The following CA12 variants were observed in gnomAD, a reference collection of about 807,000 sequenced individuals.
CA12 encodes the protein carbonic anhydrase 12, also known as carbonate dehydratase XII.
Under a neutral mutation model 46.8 loss-of-function variants are expected in CA12, and 36 were observed. That is an observed-to-expected ratio of 0.77 (90% confidence interval 0.59 to 1.02). CA12 has a LOEUF of 1.02. Ranked by LOEUF, CA12 falls within the 50% of genes least tolerant of loss-of-function variation. CA12 has a pLI of 0.00. For synonymous variants in CA12, 202 were observed against 187.0 expected (o/e 1.08, Z -0.65); for missense variants, 436 against 451.4 (o/e 0.97, Z 0.31).
Position 63,346,490 on chromosome 15 carries a change from C to A in CA12, c.286+40G>T, listed in dbSNP as rs2039149725. On this transcript the variant is annotated intron_variant, in intron 3 of 10. Transcript: ENST00000178638. The stretch of plus-strand genomic sequence containing the variant: ...GGACAGGCCTGGCAGCTGAGGGAGA[C>A]TCAGACATACCCCTCAGGTCTCCAA... The A allele has an allele frequency of 1.9e-6, 3 of 1,572,052 alleles. No homozygotes were observed. In the Admixed American group the frequency reaches 5.1e-5, roughly 27 times the overall value.
chr15:63,354,840 C>T (rs1208985849), intron 2 of CA12, among the ~76,000 whole-genome samples: 1 of 152,126 alleles, frequency 6.6e-6, no homozygotes, highest in Admixed American at 6.5e-5. Context: ...AGCCCTCCAC[C>T]CACCCTCAGG....
chr15:63,352,559 C>T (rs193014084), intron 2 of CA12, among the ~76,000 whole-genome samples: 2 of 152,154 alleles, frequency 1.3e-5, no homozygotes, highest in Admixed American at 6.5e-5. Flanking sequence ...CTGAGGTGGA[C>T]CCCCCTGTGT....
intron 4 of CA12, 83 bp from the exon 5 acceptor site, chr15:63,342,180 G>C: frequency 1.1e-6 from 1 of 872,746 alleles, no homozygotes; most frequent in Non-Finnish European, 1.9e-6. Context: ...GACTCCAACT[G>C]TGAGGACAGA....
At chr15:63,359,464 T>C (rs893538346) in intron 2 of CA12, among the ~76,000 whole-genome samples, 10 of 152,068 alleles carry the variant, frequency 6.6e-5, no homozygotes, top group African/African-American at 1.7e-4. Context: ...TTGCTTTCTC[T>C]CACACCCTCT....
Position 63,326,270 on chromosome 15 carries a change from G to C in CA12, c.*15C>G. 1 of 1,611,034 alleles carries C rather than the reference G, an allele frequency of 6.2e-7. No individual in the cohort carries two copies. The highest frequency in any genetic ancestry group is 8.5e-7 in the Non-Finnish European group (1 of 1,177,234). ...GCAAGGTCCTTCCTGGATGTGCCCG[G>C]GAGCTCCGGGGACCTCAAGCGTGGG... On this transcript the variant is annotated 3_prime_UTR_variant, in exon 11 of 11. Coordinates refer to ENST00000178638, the MANE Select transcript of CA12 (RefSeq NM_001218.5).
intron 1 of CA12, among the ~76,000 whole-genome samples, chr15:63,376,467 G>C (rs1324065861): frequency 6.6e-6 from 1 of 151,682 alleles, no homozygotes; most frequent in Non-Finnish European, 1.5e-5. Flanking sequence ...CACAAACATT[G>C]GCATACTGGA....
At chr15:63,354,453 C>T (rs1230699406) in intron 2 of CA12, among the ~76,000 whole-genome samples, 1 of 152,174 alleles carries the variant, frequency 6.6e-6, no homozygotes, top group African/African-American at 2.4e-5. Context: ...AGGGTTGAGA[C>T]TTGGGCTTGG....
intron 8 of CA12, among the ~76,000 whole-genome samples, chr15:63,336,704 G>T (rs1038176676): frequency 1.7e-5 from 2 of 120,980 alleles, no homozygotes; most frequent in Admixed American, 8.5e-5. Flanking sequence ...GGCATTTTGT[G>T]GCTGAGGAAA....
chr15:63,375,138 C>T (rs765837096), intron 2 of CA12, among the ~76,000 whole-genome samples: 2 of 152,238 alleles, frequency 1.3e-5, no homozygotes, highest in Admixed American at 6.5e-5. Context: ...TTAAGACAAG[C>T]ATCCCTCTTT....
intron 2 of CA12, among the ~76,000 whole-genome samples, chr15:63,347,866 G>A (rs1567046863): frequency 1.3e-5 from 2 of 152,132 alleles, no homozygotes; most frequent in African/African-American, 2.4e-5. Flanking sequence ...TCAACACAAG[G>A]AAGGTGGGTA....
Position 63,338,941 on chromosome 15 carries a change from A to AGC in CA12, c.750_751dup (p.Leu251ArgfsTer21). 1 of 1,614,174 alleles carries AGC rather than the reference A, an allele frequency of 6.2e-7. No individual in the cohort carries two copies. Among genetic ancestry groups the AGC allele is most frequent in the Non-Finnish European group, 8.5e-7 (1 of 1,180,042 alleles). On this transcript the variant is annotated frameshift_variant, in exon 8 of 11. Transcript: ENST00000178638. LOFTEE classifies it high-confidence loss of function. ...GCAGTACAGGGCTGTCTCCAAAGCC[A>AGC]GCAGCTGAGGGCAAGAGCAGAAATA...
In CA12 at chr15:63,324,556, A is replaced by T. The variant is rs1000406887; in HGVS notation, c.*1729T>A. 5.9e-5 allele frequency: 9 copies of T among 152,356 alleles called. No individual in the cohort carries two copies. Among genetic ancestry groups the T allele is most frequent in the African/African-American group, 2.2e-4 (9 of 41,464 alleles). 9.4% of individuals were successfully genotyped at this position (152,356 alleles called of 1,614,324 possible). On this transcript the variant is annotated 3_prime_UTR_variant, in exon 11 of 11. Transcript: ENST00000178638. ...TGTTAGAGGTCTTGAGTGCACACACACACACAAACACACAGAGAGACACAC... is the reference window on the plus strand; with the variant it reads ...TGTTAGAGGTCTTGAGTGCACACACTCACACAAACACACAGAGAGACACAC...
At chr15:63,370,355 G>A (rs1045350761) in intron 2 of CA12, among the ~76,000 whole-genome samples, 1 of 151,698 alleles carries the variant, frequency 6.6e-6, no homozygotes, top group Non-Finnish European at 1.5e-5. Flanking sequence ...GGCTGAGACA[G>A]GAGAATCCCT....
chr15:63,352,011 G>A (rs2039238747), intron 2 of CA12, among the ~76,000 whole-genome samples: 1 of 152,074 alleles, frequency 6.6e-6, no homozygotes, highest in South Asian at 2.1e-4. Context: ...GTGTATGCGT[G>A]GTGGTTATGG....
At position 63,374,881 on chromosome 15, in the gene CA12, G is replaced by T. The variant is rs959112077; in HGVS notation, c.106+777C>A. On this transcript the variant is annotated intron_variant, in intron 2 of 10. Transcript: ENST00000178638. This position sits in a 1 kb window ranked among gnomAD's most constrained non-coding sequence, Gnocchi z 4.4. ...TTCTGCTACCAAAACAATCGATCTT[G>T]TGCATCTTCTGTGGCTGTGCCCCAA... Among the ~76,000 whole-genome samples, 1 of 152,192 alleles carries T rather than the reference G, an allele frequency of 6.6e-6. No individual in the cohort carries two copies. Among genetic ancestry groups the T allele is most frequent in the Non-Finnish European group, 1.5e-5 (1 of 68,032 alleles).
chr15:63,365,988 A>C (rs1037638333), intron 2 of CA12, among the ~76,000 whole-genome samples: 2 of 152,054 alleles, frequency 1.3e-5, no homozygotes, highest in Non-Finnish European at 2.9e-5. Flanking sequence ...AAAAATACAA[A>C]AAATTAGCTG....
chr15:63,368,957 CCTAT>C, intron 2 of CA12, among the ~76,000 whole-genome samples: 1 of 52,516 alleles, frequency 1.9e-5, no homozygotes, highest in Non-Finnish European at 4.3e-5. Flanking sequence ...AGAGAATTTG[CCTAT>C]TTGCCTGCTC....
At chr15:63,371,365 C>T (rs2039503959) in intron 2 of CA12, among the ~76,000 whole-genome samples, 1 of 152,186 alleles carries the variant, frequency 6.6e-6, no homozygotes, top group African/African-American at 2.4e-5. Flanking sequence ...GAATGCACAG[C>T]ACTGCCCGGC....
At chr15:63,371,076 T>G (rs963383214) in intron 2 of CA12, among the ~76,000 whole-genome samples, 1 of 152,180 alleles carries the variant, frequency 6.6e-6, no homozygotes, top group Non-Finnish European at 1.5e-5. Flanking sequence ...GAATAGAAAG[T>G]CAAGAGTTTG....
Sources: allele counts gnomAD v4.1 joint callset (sites outside exome capture counted in the v4.1 genomes callset), GRCh38; gene constraint gnomAD v4.1.1; non-coding constraint Gnocchi (gnomAD v3.1); transcripts MANE v1.5; gene names NCBI Gene and HGNC (gene_info 2026-07-23, HGNC 2026-07-21).